The following MKRN2 variants were observed in gnomAD, a reference collection of about 807,000 sequenced individuals.
MKRN2 encodes makorin ring finger protein 2.
MKRN2 carries 32 observed loss-of-function variants against 45.4 expected under a neutral mutation model. The ratio of observed to expected loss-of-function variants is 0.70; its 90% CI spans 0.53 to 0.95. The LOEUF (loss-of-function observed/expected upper bound fraction) is 0.95. Ranked by LOEUF, MKRN2 falls within the 40% of genes least tolerant of loss-of-function variation. MKRN2 has a pLI of 0.00. For synonymous variants in MKRN2, 206 were observed against 192.4 expected (o/e 1.07, Z -0.59); for missense variants, 526 against 536.7 (o/e 0.98, Z 0.20).
intron 1 of MKRN2, among the ~76,000 whole-genome samples, chr3:12,562,132 CAGGGAAGCCCATT>C (rs1260685366): frequency 6.6e-6 from 1 of 152,092 alleles, no homozygotes; most frequent in Non-Finnish European, 1.5e-5. Context: ...AACATGTGTC[CAGGGAAGCCCATT>C]AGGGATTCAG....
chr3:12,558,023 G>C (rs919947169), intron 1 of MKRN2, among the ~76,000 whole-genome samples: 2 of 152,200 alleles, frequency 1.3e-5, no homozygotes, highest in African/African-American at 4.8e-5. Flanking sequence ...TGAATTGTAT[G>C]TTTGGAAAAC....
intron 1 of MKRN2, among the ~76,000 whole-genome samples, chr3:12,564,417 T>C (rs898888021): frequency 3.9e-5 from 6 of 152,354 alleles, no homozygotes; most frequent in Middle Eastern, 3.4e-3. Flanking sequence ...TTAATAAATT[T>C]TCATTTTATA....
chr3:12,576,940 T>TTTTTTTTTTG (rs2058143221), intron 6 of MKRN2, 199 bp downstream of exon 6: 5 of 251,548 alleles, frequency 2.0e-5, no homozygotes, highest in African/African-American at 6.3e-5. Flanking sequence ...GGTGTTTTTT[T>TTTTTTTTTTG]TTTTTTTTTT....
intron 6 of MKRN2, among the ~76,000 whole-genome samples, chr3:12,578,771 G>A (rs1423566765): frequency 2.0e-5 from 3 of 151,872 alleles, no homozygotes; most frequent in Non-Finnish European, 4.4e-5. Context: ...GGGTATGGCA[G>A]GCGTTTACTT....
Position 12,568,874 on chromosome 3 carries a change from G to A in MKRN2, c.27-1G>A. The stretch of plus-strand genomic sequence containing the variant: ...TTGTATGCCTGTGCTTGTCTCTGCA[G>A]GTATTTTATGCATGGTGTGTGTCGG... On this transcript the variant is annotated splice_acceptor_variant, in intron 1 of 7. Coordinates refer to ENST00000170447, the MANE Select transcript of MKRN2 (RefSeq NM_014160.5). LOFTEE classifies it high-confidence loss of function. 6.2e-7 allele frequency: 1 copy of A among 1,611,912 alleles called. No individual in the cohort carries two copies. Among genetic ancestry groups the A allele is most frequent in the Non-Finnish European group, 8.5e-7 (1 of 1,179,342 alleles).
At chr3:12,579,259 G>A (rs1321659565) in intron 6 of MKRN2, among the ~76,000 whole-genome samples, 13 of 152,128 alleles carry the variant, frequency 8.5e-5, no homozygotes, top group Non-Finnish European at 1.5e-4. Context: ...CCGCCTCCAG[G>A]GTTCAAGTGA....
Position 12,572,193 on chromosome 3 carries a change from C to G in MKRN2, c.462C>G (p.Gly154=). 6.2e-7 allele frequency: 1 copy of G among 1,614,046 alleles called. No homozygotes were observed. The change falls in exon 4 of 8, where the codon GGC becomes GGG. Residue 154 remains glycine (G), a synonymous_variant. Coordinates refer to ENST00000170447, the MANE Select transcript of MKRN2 (RefSeq NM_014160.5). ...PHSYLDAIRS[G]LDDVEASSSY... The stretch of plus-strand genomic sequence containing the variant: ...CCTACCTGGATGCCATCAGGAGTGG[C>G]CTTGATGACGTGGAGGCCAGCAGCT...
chr3:12,575,382 GA>G (rs1193272932), intron 5 of MKRN2, among the ~76,000 whole-genome samples: 6 of 152,134 alleles, frequency 3.9e-5, no homozygotes, highest in Non-Finnish European at 8.8e-5. Context: ...CACCAAAAAC[GA>G]AAATAGGGTT....
chr3:12,562,432 G>A (rs1005467493), intron 1 of MKRN2, among the ~76,000 whole-genome samples: 4 of 152,124 alleles, frequency 2.6e-5, no homozygotes, highest in African/African-American at 4.8e-5. Context: ...TTATAAAATC[G>A]GTATTGTAAA....
chr3:12,564,097 C>A (rs1019161400), intron 1 of MKRN2, among the ~76,000 whole-genome samples: 4 of 151,996 alleles, frequency 2.6e-5, no homozygotes, highest in Non-Finnish European at 5.9e-5. Context: ...AGGCGCCCAC[C>A]ACCACGCCCG....
chr3:12,565,475 G>A (rs921604368), intron 1 of MKRN2, among the ~76,000 whole-genome samples: 55 of 147,294 alleles, frequency 3.7e-4, no homozygotes, highest in African/African-American at 1.3e-3. Context: ...TTTCCAAGTC[G>A]ATTTTGGGTC....
intron 1 of MKRN2, among the ~76,000 whole-genome samples, chr3:12,564,249 A>G (rs915951543): frequency 6.6e-6 from 1 of 152,140 alleles, no homozygotes; most frequent in African/African-American, 2.4e-5. Context: ...CCTGGCCTGA[A>G]TTATTTTGTG....
intron 1 of MKRN2, among the ~76,000 whole-genome samples, chr3:12,567,377 C>T (rs1207600009): frequency 9.9e-5 from 15 of 151,512 alleles, no homozygotes; most frequent in Non-Finnish European, 1.5e-4. Flanking sequence ...TTTAAGCAAT[C>T]CTCCTGTCTC....
intron 5 of MKRN2, among the ~76,000 whole-genome samples, chr3:12,575,873 T>A (rs1354544189): frequency 6.6e-6 from 1 of 152,234 alleles, no homozygotes; most frequent in Non-Finnish European, 1.5e-5. Flanking sequence ...CCTGGCGGAA[T>A]ATGTTCCATT....
At chr3:12,567,212 T>G (rs1303800370) in intron 1 of MKRN2, among the ~76,000 whole-genome samples, 2 of 56,350 alleles carry the variant, frequency 3.5e-5, no homozygotes, top group Admixed American at 2.9e-4. Context: ...TCAGCTTGTG[T>G]TTTTTTTTTT....
Position 12,582,930 on chromosome 3 carries a change from C to G in MKRN2, c.*677C>G, listed in dbSNP as rs1284366144. ...TCCCTTAGGGAGGCTCTTGAAGGAGCAGGAGGTACAGTACTGGGTAGCAGT... is the reference window on the plus strand; with the variant it reads ...TCCCTTAGGGAGGCTCTTGAAGGAGGAGGAGGTACAGTACTGGGTAGCAGT... On this transcript the variant is annotated 3_prime_UTR_variant, in exon 8 of 8. Coordinates refer to ENST00000170447, the MANE Select transcript of MKRN2 (RefSeq NM_014160.5). The G allele has an allele frequency of 6.6e-6, 1 of 152,410 alleles. No homozygotes were observed. The highest frequency in any genetic ancestry group is 1.5e-5 in the Non-Finnish European group (1 of 68,232). The allele number at this position is 152,410 out of a possible 1,614,324, so 9.4% of individuals were successfully genotyped here.
intron 1 of MKRN2, among the ~76,000 whole-genome samples, chr3:12,567,734 G>A (rs888095922): frequency 2.6e-5 from 4 of 151,820 alleles, no homozygotes; most frequent in South Asian, 2.1e-4. Context: ...CAGGTGATGC[G>A]CCCGCCTTGG....
intron 1 of MKRN2, among the ~76,000 whole-genome samples, chr3:12,566,729 A>G (rs531103248): frequency 6.6e-6 from 1 of 152,238 alleles, no homozygotes; most frequent in East Asian, 1.9e-4. Context: ...CAGCCTCCCA[A>G]GTAGCTGGGA....
intron 4 of MKRN2, 88 bp downstream of exon 4, chr3:12,572,461 G>T: frequency 8.2e-7 from 1 of 1,222,976 alleles, no homozygotes; most frequent in Non-Finnish European, 1.1e-6. Flanking sequence ...ATACACTCAA[G>T]AAATCTGAAA....
Sources: allele counts gnomAD v4.1 joint callset (sites outside exome capture counted in the v4.1 genomes callset), GRCh38; gene constraint gnomAD v4.1.1; transcripts MANE v1.5; gene names NCBI Gene and HGNC (gene_info 2026-07-23, HGNC 2026-07-21).